The following RAB3C variants were observed in gnomAD, a reference collection of about 807,000 sequenced individuals.
RAB3C encodes ras-related protein Rab-3C.
RAB3C carries 17 observed loss-of-function variants against 26.4 expected under a neutral mutation model. The observed-to-expected ratio is 0.64, with a 90% CI of 0.44 to 0.97. RAB3C has a LOEUF of 0.97. Among genes scored for constraint, RAB3C ranks in the 50% least tolerant of loss-of-function variants. RAB3C has a pLI of 0.00. For synonymous variants in RAB3C, 91 were observed against 95.9 expected (o/e 0.95, Z 0.30); for missense variants, 242 against 281.9 (o/e 0.86, Z 1.01).
chr5:58,590,457 CTA>C (rs1310558676), intron 1 of RAB3C, among the ~76,000 whole-genome samples: 1 of 151,986 alleles, frequency 6.6e-6, no homozygotes, highest in African/African-American at 2.4e-5. Context: ...GTTTTAAAAA[CTA>C]TATTTGTGTT....
chr5:58,737,599 G>C (rs911271493), intron 3 of RAB3C, among the ~76,000 whole-genome samples: 2 of 151,482 alleles, frequency 1.3e-5, no homozygotes, highest in Admixed American at 6.6e-5. Context: ...AATATTTCTT[G>C]AATGAATGAC....
intron 3 of RAB3C, among the ~76,000 whole-genome samples, chr5:58,783,892 A>G (rs899684076): frequency 2.0e-5 from 3 of 152,200 alleles, no homozygotes; most frequent in African/African-American, 4.8e-5. Context: ...ATGGTAAACA[A>G]GCATTTTCCT....
chr5:58,618,084 G>A (rs1469200779), intron 2 of RAB3C, among the ~76,000 whole-genome samples: 1 of 151,086 alleles, frequency 6.6e-6, no homozygotes, highest in African/African-American at 2.4e-5. Context: ...GTTGTCATGT[G>A]GTGCTCCTTA....
Position 58,858,569 on chromosome 5 carries a change from G to A in RAB3C, c.*7218G>A, listed in dbSNP as rs1326139329. 1 of 152,188 alleles carries A rather than the reference G, an allele frequency of 6.6e-6. No homozygotes were observed. Among genetic ancestry groups the A allele is most frequent in the Non-Finnish European group, 1.5e-5 (1 of 68,032 alleles). The allele number at this position is 152,188 out of a possible 1,614,324, so 9.4% of individuals were successfully genotyped here. ...GGACCTGTAAGAACTGGAAGAGTCA[G>A]AGAGGGCTCCATTGAAGAGGTCAAA... On this transcript the variant is annotated 3_prime_UTR_variant, in exon 5 of 5. Transcript: ENST00000282878.
chr5:58,846,570 C>T (rs767385068), intron 4 of RAB3C, among the ~76,000 whole-genome samples: 23 of 151,930 alleles, frequency 1.5e-4, no homozygotes, highest in African/African-American at 3.4e-4. Flanking sequence ...GTAGAGGTGG[C>T]GTCTTACTAT....
chr5:58,658,482 CA>C (rs576709597), intron 2 of RAB3C, among the ~76,000 whole-genome samples: 10 of 152,148 alleles, frequency 6.6e-5, no homozygotes, highest in South Asian at 2.1e-4. Context: ...TTTAAACAAT[CA>C]ATAGAATATG....
intron 4 of RAB3C, among the ~76,000 whole-genome samples, chr5:58,850,225 A>G (rs562525915): frequency 9.8e-5 from 15 of 152,398 alleles, no homozygotes; most frequent in African/African-American, 2.9e-4. Flanking sequence ...ACAGTGGCAC[A>G]TAGGTGAAAG....
rs560024515 is a variant in RAB3C at position 58,619,813 on chromosome 5, A to T, written c.252+1943A>T. On this transcript the variant is annotated intron_variant, in intron 2 of 4. Coordinates refer to ENST00000282878, the MANE Select transcript of RAB3C (RefSeq NM_138453.4). Reference sequence around the variant, plus strand: ...TATAAATTATTTTTCACACTTAAAAATTATTTTCTTTAAAACAATGCTGGT... The same window carrying T: ...TATAAATTATTTTTCACACTTAAAATTTATTTTCTTTAAAACAATGCTGGT... Among the ~76,000 whole-genome samples the T allele has an allele frequency of 2.0e-5, 3 of 151,958 alleles. No individual in the cohort carries two copies. The South Asian group carries it at 6.2e-4, about 31-fold the overall frequency.
intron 3 of RAB3C, among the ~76,000 whole-genome samples, chr5:58,802,941 G>A (rs943589473): frequency 3.9e-5 from 6 of 152,202 alleles, no homozygotes; most frequent in African/African-American, 1.4e-4. Flanking sequence ...TCTGCATGGC[G>A]AAAGCTGGCT....
At chr5:58,834,295 A>G (rs923168996) in intron 4 of RAB3C, among the ~76,000 whole-genome samples, 5 of 152,342 alleles carry the variant, frequency 3.3e-5, no homozygotes, top group Admixed American at 2.6e-4. Flanking sequence ...GCTATCTTAA[A>G]GCTTTTCTGT....
chr5:58,761,069 A>T (rs1741788689), intron 3 of RAB3C, among the ~76,000 whole-genome samples: 1 of 151,522 alleles, frequency 6.6e-6, no homozygotes, highest in African/African-American at 2.4e-5. Context: ...TCTCTCACAC[A>T]CACACACACA....
chr5:58,772,497 C>T (rs1334093235), intron 3 of RAB3C, among the ~76,000 whole-genome samples: 1 of 152,178 alleles, frequency 6.6e-6, no homozygotes, highest in African/African-American at 2.4e-5. Context: ...TGCAGCAGCT[C>T]TCTCAGACCA....
intron 3 of RAB3C, among the ~76,000 whole-genome samples, chr5:58,743,450 G>A (rs1423820226): frequency 6.6e-6 from 1 of 151,836 alleles, no homozygotes; most frequent in Non-Finnish European, 1.5e-5. Context: ...GAATGTGCAG[G>A]TTTGTTACAT....
At chr5:58,774,795 C>T (rs1213557815) in intron 3 of RAB3C, among the ~76,000 whole-genome samples, 6 of 152,070 alleles carry the variant, frequency 3.9e-5, no homozygotes, top group East Asian at 3.9e-4. Flanking sequence ...GCCATGTGAA[C>T]GTCCTGTGTC....
chr5:58,848,670 T>C (rs911794925), intron 4 of RAB3C: 5 of 152,240 alleles, frequency 3.3e-5, no homozygotes, highest in African/African-American at 9.6e-5. Context: ...ATTGCTATTG[T>C]TGTTATCATA....
intron 3 of RAB3C, among the ~76,000 whole-genome samples, chr5:58,786,419 T>C (rs902875091): frequency 2.0e-5 from 3 of 152,102 alleles, no homozygotes; most frequent in African/African-American, 7.2e-5. Flanking sequence ...GGGGGCTGCC[T>C]GTGGTGGAAC....
At chr5:58,649,265 C>T (rs966392314) in intron 2 of RAB3C, among the ~76,000 whole-genome samples, 2 of 151,996 alleles carry the variant, frequency 1.3e-5, no homozygotes, top group Non-Finnish European at 2.9e-5. Context: ...CAAAGTTCTG[C>T]CTGGAATCCC....
intron 3 of RAB3C, among the ~76,000 whole-genome samples, chr5:58,761,874 ATT>A (rs1741803709): frequency 6.6e-6 from 1 of 152,124 alleles, no homozygotes; most frequent in Non-Finnish European, 1.5e-5. Context: ...ATTTATGATC[ATT>A]CTTTTCTCTT....
chr5:58,661,620 A>G (rs1408811477), intron 2 of RAB3C, among the ~76,000 whole-genome samples: 1 of 147,204 alleles, frequency 6.8e-6, no homozygotes, highest in Non-Finnish European at 1.5e-5. Context: ...CTGTCTCTCA[A>G]TTGATGACCT....
Sources: gnomAD v4.1 joint callset for allele counts (sites outside exome capture counted in the v4.1 genomes callset) on GRCh38, gnomAD v4.1.1 for gene constraint, MANE v1.5 for transcripts, NCBI Gene and HGNC (gene_info 2026-07-23, HGNC 2026-07-21) for gene names.